BCL2: variants seen among roughly 807,000 people sequenced by gnomAD.
BCL2 encodes the protein BCL2 apoptosis regulator, also known as apoptosis regulator Bcl-2.
In BCL2, 1 loss-of-function variant was observed where a neutral mutation model predicts 14.2. The ratio of observed to expected loss-of-function variants is 0.07; its 90% confidence interval spans 0.02 to 0.33. BCL2 has a LOEUF of 0.33. BCL2 is among the 10% of genes least tolerant of loss of function. The pLI, the probability that BCL2 is intolerant of heterozygous loss-of-function variation, is 0.99. For missense variants in BCL2, 247 were observed against 305.9 expected (o/e 0.81, Z 1.44); for synonymous variants, 151 against 137.2 (o/e 1.10, Z -0.70).
chr18:63,155,820 C>A (rs1914765501), intron 2 of BCL2, among the ~76,000 whole-genome samples: 1 of 152,182 alleles, frequency 6.6e-6, no homozygotes, highest in Admixed American at 6.5e-5. Context: ...CCTCTCCTTT[C>A]TTTCTCCAGA....
chr18:63,219,492 T>C (rs995988142), intron 2 of BCL2, among the ~76,000 whole-genome samples: 2 of 148,476 alleles, frequency 1.3e-5, no homozygotes, highest in African/African-American at 5.0e-5. Flanking sequence ...ATTCTCGCTC[T>C]GTCGCCCAGG....
intron 2 of BCL2, among the ~76,000 whole-genome samples, chr18:63,228,159 C>T (rs996458717): frequency 2.0e-5 from 3 of 152,166 alleles, no homozygotes; most frequent in Admixed American, 1.3e-4. Flanking sequence ...GCTGTTCTGA[C>T]CTAATGACAT....
At chr18:63,249,709 C>CAAAAA (rs11285614) in intron 2 of BCL2, among the ~76,000 whole-genome samples, 4 of 52,902 alleles carry the variant, frequency 7.6e-5, no homozygotes, top group East Asian at 4.7e-4. Context: ...GACTCCGCCT[C>CAAAAA]AAAAAAAAAA....
intron 2 of BCL2, among the ~76,000 whole-genome samples, chr18:63,195,400 G>C (rs1352762086): frequency 6.6e-6 from 1 of 152,174 alleles, no homozygotes; most frequent in Non-Finnish European, 1.5e-5. Flanking sequence ...GGTAGTAGGG[G>C]AGACAATAAG....
At chr18:63,169,252 C>CTT (rs1260395907) in intron 2 of BCL2, among the ~76,000 whole-genome samples, 2 of 38,598 alleles carry the variant, frequency 5.2e-5, no homozygotes, top group East Asian at 1.0e-3. Context: ...TCGTGTTTTT[C>CTT]TTTCTTTCTT....
chr18:63,204,104 T>C (rs755100822), intron 2 of BCL2, among the ~76,000 whole-genome samples: 11 of 152,220 alleles, frequency 7.2e-5, no homozygotes, highest in Non-Finnish European at 1.5e-4. Context: ...ACAGGGTCAG[T>C]ACTACTTCTG....
intron 2 of BCL2, among the ~76,000 whole-genome samples, chr18:63,309,838 ATACTT>A (rs1273599974): frequency 6.6e-6 from 1 of 151,876 alleles, no homozygotes; most frequent in Non-Finnish European, 1.5e-5. Flanking sequence ...ATCCTCCTAT[ATACTT>A]TATTTTATTT....
intron 2 of BCL2, among the ~76,000 whole-genome samples, chr18:63,170,599 G>A (rs954885684): frequency 1.3e-5 from 2 of 152,184 alleles, no homozygotes; most frequent in Non-Finnish European, 2.9e-5. Context: ...TTCGGTATAT[G>A]ACCAGTAAAT....
At chr18:63,273,242 A>G (rs1194466902) in intron 2 of BCL2, among the ~76,000 whole-genome samples, 3 of 152,210 alleles carry the variant, frequency 2.0e-5, no homozygotes, top group Admixed American at 6.5e-5. Flanking sequence ...CAATCAACCA[A>G]TACACATGGA....
chr18:63,191,309 A>T (rs894361456), intron 2 of BCL2, among the ~76,000 whole-genome samples: 17 of 152,218 alleles, frequency 1.1e-4, no homozygotes, highest in African/African-American at 4.1e-4. Context: ...ACTAATTTAC[A>T]TTCCCACCAA....
chr18:63,255,555 G>A (rs1428383558), intron 2 of BCL2, among the ~76,000 whole-genome samples: 1 of 152,210 alleles, frequency 6.6e-6, no homozygotes, highest in East Asian at 1.9e-4. Context: ...TCAGGGAGAT[G>A]CTGTTCATTA....
chr18:63,167,870 G>A lies in BCL2; in HGVS notation c.586-39111C>T, dbSNP rs189086830. Among the ~76,000 whole-genome samples the A allele has an allele frequency of 2.5e-3, 386 of 151,632 alleles. 1 individual carries two copies. The highest frequency in any genetic ancestry group is 0.01 in the Middle Eastern group (3 of 290). ...AAACCCGGGAGGCAGAGGTTGCAGT[G>A]AGCAGAGATCACACCACTGCACTCC... On this transcript the variant is annotated intron_variant, in intron 2 of 2. Coordinates refer to ENST00000333681, the MANE Select transcript of BCL2 (RefSeq NM_000633.3).
intron 2 of BCL2, chr18:63,207,580 T>C (rs988381891): frequency 2.0e-5 from 3 of 151,622 alleles, no homozygotes; most frequent in Non-Finnish European, 2.9e-5. Context: ...CAGAGTCTGA[T>C]TGTTCCAGAC....
chr18:63,314,747 T>C (rs756752259), intron 2 of BCL2: 5 of 152,228 alleles, frequency 3.3e-5, no homozygotes, highest in Non-Finnish European at 7.3e-5. Context: ...TATGAGGGGA[T>C]AAAATAATAA....
Position 63,317,900 on chromosome 18 carries a change from C to T in BCL2, c.585+182G>A, listed in dbSNP as rs557113054. On this transcript the variant is annotated intron_variant, in intron 2 of 2. Transcript: ENST00000333681. The stretch of plus-strand genomic sequence containing the variant: ...AAGACTTTTAGATGGCAGGCGTTAT[C>T]GGTCAGGTTGGGAGTGAACGCTTTG... The T allele has an allele frequency of 1.8e-5, 25 of 1,427,234 alleles. No individual in the cohort carries two copies. The Admixed American group carries it at 3.8e-4, about 22-fold the overall frequency. The allele number at this position is 1,427,234 out of a possible 1,614,324, so 88.4% of individuals were successfully genotyped here. A position where few individuals can be genotyped will look rare whatever the true frequency, so the allele number is the denominator to read the frequency against.
chr18:63,235,127 C>T (rs1388285117), intron 2 of BCL2, among the ~76,000 whole-genome samples: 1 of 141,354 alleles, frequency 7.1e-6, no homozygotes, highest in African/African-American at 2.8e-5. Flanking sequence ...CCTGAAACAA[C>T]TATCAGATTG....
chr18:63,285,163 G>C (rs1322205555), intron 2 of BCL2, among the ~76,000 whole-genome samples: 1 of 152,198 alleles, frequency 6.6e-6, no homozygotes, highest in Non-Finnish European at 1.5e-5. Flanking sequence ...GAAGGGGCTG[G>C]AATAAGGATT....
At chr18:63,218,107 C>T (rs1029669059) in intron 2 of BCL2, among the ~76,000 whole-genome samples, 9 of 152,182 alleles carry the variant, frequency 5.9e-5, no homozygotes, top group South Asian at 2.1e-4. Context: ...TGTTTTCTTC[C>T]GTCTTCCTTC....
At chr18:63,307,009 A>T (rs1913161509) in intron 2 of BCL2, among the ~76,000 whole-genome samples, 1 of 152,132 alleles carries the variant, frequency 6.6e-6, no homozygotes, top group Admixed American at 6.5e-5. Context: ...CCACTTCCCC[A>T]GGGCCTGGCT....
Sources: gnomAD v4.1 joint callset for allele counts (sites outside exome capture counted in the v4.1 genomes callset) on GRCh38, gnomAD v4.1.1 for gene constraint, MANE v1.5 for transcripts, NCBI Gene and HGNC (gene_info 2026-07-23, HGNC 2026-07-21) for gene names.